Variants in ERO1A observed in about 807,000 individuals in gnomAD.
The protein encoded by ERO1A is endoplasmic reticulum oxidoreductase 1 alpha.
A neutral mutation model predicts 76.9 loss-of-function variants in ERO1A; 49 were observed. The ratio of observed to expected loss-of-function variants is 0.64; its 90% CI spans 0.51 to 0.81. ERO1A has a LOEUF of 0.81. Among genes scored for constraint, ERO1A ranks in the 30% least tolerant of loss-of-function variants. ERO1A has a pLI of 0.00. For missense variants in ERO1A, 448 were observed against 542.1 expected (o/e 0.83, Z 1.72); for synonymous variants, 174 against 181.2 (o/e 0.96, Z 0.32).
At chr14:52,649,526 G>A (rs898596728) in intron 13 of ERO1A, among the ~76,000 whole-genome samples, 3 of 151,960 alleles carry the variant, frequency 2.0e-5, no homozygotes, top group African/African-American at 7.2e-5. Flanking sequence ...AAACTTCATA[G>A]GACATTAAAG....
At chr14:52,661,365 C>T in intron 8 of ERO1A, 61 bp from the exon 9 acceptor site, 1 of 1,329,788 alleles carries the variant, frequency 7.5e-7, no homozygotes, top group Non-Finnish European at 1.0e-6. Flanking sequence ...TTTTATAATG[C>T]TACACTTTCA....
At chr14:52,684,583 T>G (rs1324203506) in intron 1 of ERO1A, among the ~76,000 whole-genome samples, 8 of 152,196 alleles carry the variant, frequency 5.3e-5, no homozygotes, top group Non-Finnish European at 1.0e-4. Flanking sequence ...CCTCAAATAT[T>G]GGGCTGTAAC....
chr14:52,692,756 T>C (rs1260213911), intron 1 of ERO1A, among the ~76,000 whole-genome samples: 1 of 152,174 alleles, frequency 6.6e-6, no homozygotes, highest in Non-Finnish European at 1.5e-5. Context: ...GCAGAGTGGT[T>C]ACACTTGTTG....
chr14:52,685,637 CTT>C (rs2041152072), intron 1 of ERO1A, among the ~76,000 whole-genome samples: 1 of 152,156 alleles, frequency 6.6e-6, no homozygotes, highest in African/African-American at 2.4e-5. Flanking sequence ...ACATGAAAAA[CTT>C]GAGAGCAAGT....
chr14:52,671,505 C>T (rs2040596162), intron 6 of ERO1A, 125 bp downstream of exon 6: 1 of 596,966 alleles, frequency 1.7e-6, no homozygotes, highest in Non-Finnish European at 2.9e-6. Context: ...AGTGATTCTC[C>T]TGCCTCAGCC....
intron 4 of ERO1A, among the ~76,000 whole-genome samples, chr14:52,672,794 C>CAAAAAAAAAAAAAAAAAAAAAAAAAA (rs2040651370): frequency 7.5e-6 from 1 of 132,982 alleles, no homozygotes; most frequent in Non-Finnish European, 1.6e-5. Context: ...AAAAAAAAAA[C>CAAAAAAAAAAAAAAAAAAAAAAAAAA]AAAAAACAAA....
chr14:52,677,186 A>G (rs997756004), intron 4 of ERO1A, among the ~76,000 whole-genome samples: 2 of 152,200 alleles, frequency 1.3e-5, no homozygotes, highest in African/African-American at 4.8e-5. Context: ...CAACCAGGTA[A>G]TAATCATCAA....
chr14:52,687,286 C>T (rs1383820874), intron 1 of ERO1A, among the ~76,000 whole-genome samples: 3 of 151,948 alleles, frequency 2.0e-5, no homozygotes, highest in Non-Finnish European at 4.4e-5. Flanking sequence ...AAAAATTAGC[C>T]AGGCATGGTG....
chr14:52,673,722 C>A (rs967871151), intron 4 of ERO1A, among the ~76,000 whole-genome samples: 1 of 144,024 alleles, frequency 6.9e-6, no homozygotes, highest in African/African-American at 2.6e-5. Context: ...ATATATAAAT[C>A]ACATACTAAT....
At chr14:52,675,381 G>A (rs537275916) in intron 4 of ERO1A, among the ~76,000 whole-genome samples, 14 of 148,686 alleles carry the variant, frequency 9.4e-5, no homozygotes, top group East Asian at 2.0e-4. Flanking sequence ...GCAAAACTCC[G>A]TCTCAAAAAA....
At chr14:52,662,096 A>C (rs1594824515) in intron 8 of ERO1A, among the ~76,000 whole-genome samples, 1 of 152,216 alleles carries the variant, frequency 6.6e-6, no homozygotes, top group East Asian at 1.9e-4. Context: ...TAAATGAATA[A>C]AAATTTACAG....
rs1459937424 is a variant in ERO1A at position 52,643,290 on chromosome 14, TTTATC to T, written c.*275_*279del. On this transcript the variant is annotated 3_prime_UTR_variant, in exon 16 of 16. Transcript: ENST00000395686. ...GTTTGAGAGACTTAGAACATTCACTTTTATCATATATGAATTTGATAATCCTCCTT... is the reference window on the plus strand; with the variant it reads ...GTTTGAGAGACTTAGAACATTCACTTATATATGAATTTGATAATCCTCCTT... The T allele has an allele frequency of 1.3e-5, 3 of 222,862 alleles. No homozygotes were observed. Among genetic ancestry groups the T allele is most frequent in the Non-Finnish European group, 2.6e-5 (3 of 115,626 alleles). The allele number at this position is 222,862 out of a possible 1,614,324, so 13.8% of individuals were successfully genotyped here.
At chr14:52,688,354 C>T (rs57503501) in intron 1 of ERO1A, among the ~76,000 whole-genome samples, 11,362 of 152,126 alleles carry the variant, frequency 0.075, 1,009 homozygotes, top group East Asian at 0.23. Flanking sequence ...AACATCAGAC[C>T]TCCTTAGGTT....
intron 6 of ERO1A, among the ~76,000 whole-genome samples, chr14:52,668,875 C>T (rs905299879): frequency 1.3e-5 from 2 of 150,380 alleles, no homozygotes; most frequent in African/African-American, 4.9e-5. Flanking sequence ...TTTTATGATG[C>T]GCTGGTTCCT....
At chr14:52,684,806 T>C (rs1233130982) in intron 1 of ERO1A, among the ~76,000 whole-genome samples, 5 of 18,368 alleles carry the variant, frequency 2.7e-4, no homozygotes, top group African/African-American at 1.0e-3. Flanking sequence ...ATTCTTTTTT[T>C]TTCTTTTTTC....
At position 52,671,719 on chromosome 14, in the gene ERO1A, A is replaced by C; in HGVS notation, c.435-16T>G. The C allele has an allele frequency of 6.3e-7, 1 of 1,590,158 alleles. No homozygotes were observed. The highest frequency in any genetic ancestry group is 1.2e-5 in the South Asian group (1 of 86,442). On this transcript the variant is annotated splice_polypyrimidine_tract_variant and intron_variant, in intron 5 of 15. Coordinates refer to ENST00000395686, the MANE Select transcript of ERO1A (RefSeq NM_014584.3). ...TGTTTCCTCACTTCAAACAAAGAAA[A>C]AAAATAACATTATTATTTTTAAGTT... is the stretch of plus-strand genomic sequence containing the variant.
At chr14:52,645,762 G>A (rs530993809) in intron 15 of ERO1A, among the ~76,000 whole-genome samples, 237 of 151,890 alleles carry the variant, frequency 1.6e-3, no homozygotes, top group African/African-American at 5.2e-3. Flanking sequence ...CCAGCACTTC[G>A]GGAGGTGGAG....
Position 52,682,415 on chromosome 14 carries a change from A to G in ERO1A, c.235-7T>C, listed in dbSNP as rs768715093. 7 of 1,576,904 alleles carry G rather than the reference A, an allele frequency of 4.4e-6. No individual in the cohort carries two copies. The South Asian group carries it at 8.2e-5, about 18-fold the overall frequency. ...ACGGCCTCTTCAGGTTTACCTGTAA[A>G]ATAATAATAGAAAAAAAATTATAAA... On this transcript the variant is annotated splice_region_variant and splice_polypyrimidine_tract_variant and intron_variant, in intron 2 of 15. Coordinates refer to ENST00000395686, the MANE Select transcript of ERO1A (RefSeq NM_014584.3).
chr14:52,667,553 A>G (rs2040453588), intron 6 of ERO1A, among the ~76,000 whole-genome samples: 1 of 152,110 alleles, frequency 6.6e-6, no homozygotes, highest in African/African-American at 2.4e-5. Flanking sequence ...AACACCAGGC[A>G]TCAATAAAAA....
Sources: allele counts gnomAD v4.1 joint callset (sites outside exome capture counted in the v4.1 genomes callset), GRCh38; gene constraint gnomAD v4.1.1; transcripts MANE v1.5; gene names NCBI Gene and HGNC (gene_info 2026-07-23, HGNC 2026-07-21).